The following CCNY variants were observed in gnomAD, a reference collection of about 807,000 sequenced individuals.
CCNY encodes the protein cyclin Y, also known as cyclin-Y.
Under a neutral mutation model 42.8 loss-of-function variants are expected in CCNY, and 19 were observed. That is an observed-to-expected ratio of 0.44 (90% CI 0.31 to 0.65). CCNY has a LOEUF of 0.65. Ranked by LOEUF, CCNY falls within the 30% of genes least tolerant of loss-of-function variation. The probability of loss-of-function intolerance (pLI) is 0.07; values close to 1 mark genes in which losing one functional copy is unlikely to be tolerated. For missense variants in CCNY, 370 were observed against 437.3 expected, an observed-to-expected ratio of 0.85 and a Z score of 1.37; for synonymous variants, 165 against 162.7, an observed-to-expected ratio of 1.01 and a Z score of -0.11.
At chr10:35,295,478 C>T (rs1217259190) in intron 3 of CCNY, among the ~76,000 whole-genome samples, 5 of 151,980 alleles carry the variant, frequency 3.3e-5, no homozygotes, top group African/African-American at 1.2e-4. Flanking sequence ...GTGATCCGCC[C>T]GTTTCTGCCT....
intron 3 of CCNY, among the ~76,000 whole-genome samples, chr10:35,331,155 A>G (rs987340501): frequency 6.6e-6 from 1 of 152,244 alleles, no homozygotes; most frequent in African/African-American, 2.4e-5. Flanking sequence ...TGAGCTGGGC[A>G]TACTGCTGTT....
intron 2 of CCNY, among the ~76,000 whole-genome samples, chr10:35,498,708 C>T (rs974950440): frequency 1.3e-5 from 2 of 152,144 alleles, no homozygotes; most frequent in Non-Finnish European, 2.9e-5. Flanking sequence ...GCGCGGAAGA[C>T]GCTCCAGAAG....
At chr10:35,277,908 T>C (rs568173437) in intron 3 of CCNY, among the ~76,000 whole-genome samples, 3 of 152,150 alleles carry the variant, frequency 2.0e-5, no homozygotes, top group African/African-American at 7.2e-5. Flanking sequence ...AGGGCCCATA[T>C]CCTAAAAGGC....
At chr10:35,549,862 A>C (rs55675717) in intron 7 of CCNY, among the ~76,000 whole-genome samples, 1 of 648 alleles carries the variant, frequency 1.5e-3, no homozygotes. Flanking sequence ...TGCTCATGAC[A>C]CATGACCCTA....
At chr10:35,419,456 C>A (rs1423049554) in intron 1 of CCNY, among the ~76,000 whole-genome samples, 5 of 151,166 alleles carry the variant, frequency 3.3e-5, no homozygotes, top group Non-Finnish European at 5.9e-5. Context: ...AAAAAGTAAT[C>A]CAGGTATGAC....
At chr10:35,367,877 C>T (rs1176369821) in intron 1 of CCNY, among the ~76,000 whole-genome samples, 1 of 152,226 alleles carries the variant, frequency 6.6e-6, no homozygotes, top group Non-Finnish European at 1.5e-5. Flanking sequence ...TGCCTATACT[C>T]CTAATGAGGC....
intron 3 of CCNY, among the ~76,000 whole-genome samples, chr10:35,288,688 T>C (rs1004130148): frequency 3.9e-5 from 6 of 152,178 alleles, no homozygotes; most frequent in African/African-American, 1.2e-4. Context: ...TCATCTTTTT[T>C]CCCCATAAGG....
intron 3 of CCNY, among the ~76,000 whole-genome samples, chr10:35,317,450 T>C (rs1358179052): frequency 6.6e-6 from 1 of 152,228 alleles, no homozygotes; most frequent in Non-Finnish European, 1.5e-5. Context: ...GGTCCTTGCA[T>C]GACCAAGCAG....
chr10:35,441,926 T>G (rs2135297215), intron 1 of CCNY, among the ~76,000 whole-genome samples: 2 of 152,334 alleles, frequency 1.3e-5, no homozygotes, highest in South Asian at 4.1e-4. Context: ...GCTGTATGAT[T>G]TAAAATGATC....
At chr10:35,298,426 T>C (rs1414705967) in intron 3 of CCNY, among the ~76,000 whole-genome samples, 1 of 152,260 alleles carries the variant, frequency 6.6e-6, no homozygotes, top group Non-Finnish European at 1.5e-5. Context: ...ATACTCTTTA[T>C]GTCTGGCCTT....
chr10:35,274,691 C>A (rs564674412), intron 3 of CCNY, among the ~76,000 whole-genome samples: 237 of 152,250 alleles, frequency 1.6e-3, no homozygotes, highest in Middle Eastern at 3.4e-3. Flanking sequence ...AGGCAGGGAG[C>A]TAACGAAGTC....
intron 8 of CCNY, among the ~76,000 whole-genome samples, chr10:35,558,188 C>T (rs1841397784): frequency 6.6e-6 from 1 of 152,120 alleles, no homozygotes; most frequent in Non-Finnish European, 1.5e-5. Context: ...GGATATAGTC[C>T]CTTTCCTGGG....
chr10:35,269,610 C>T (rs1040524370), intron 3 of CCNY, among the ~76,000 whole-genome samples: 8 of 149,050 alleles, frequency 5.4e-5, no homozygotes, highest in African/African-American at 1.5e-4. Flanking sequence ...CAGCCAAGTT[C>T]GCCACTCTTT....
chr10:35,429,289 T>G (rs922430487), intron 1 of CCNY, among the ~76,000 whole-genome samples: 2 of 152,206 alleles, frequency 1.3e-5, no homozygotes, highest in African/African-American at 2.4e-5. Flanking sequence ...TCTCACCAGT[T>G]TTTGTTTTGA....
chr10:35,324,677 C>G (rs1366790728), intron 3 of CCNY, among the ~76,000 whole-genome samples: 2 of 152,210 alleles, frequency 1.3e-5, no homozygotes, highest in Non-Finnish European at 2.9e-5. Context: ...ATGAGAAACT[C>G]ATACTTATGC....
At chr10:35,276,963 T>A (rs1207350930) in intron 3 of CCNY, among the ~76,000 whole-genome samples, 1 of 152,192 alleles carries the variant, frequency 6.6e-6, no homozygotes, top group African/African-American at 2.4e-5. Flanking sequence ...AACAATGGAG[T>A]GCTCCCAGAC....
chr10:35,345,087 A>G (rs1836270875), intron 1 of CCNY, among the ~76,000 whole-genome samples: 1 of 152,200 alleles, frequency 6.6e-6, no homozygotes. Flanking sequence ...TTGGGTATAT[A>G]CCCAGTAATG....
intron 3 of CCNY, among the ~76,000 whole-genome samples, chr10:35,327,308 TTTCTA>T (rs1835891432): frequency 1.3e-5 from 2 of 152,338 alleles, no homozygotes; most frequent in African/African-American, 4.8e-5. Flanking sequence ...CGTGGCTTTC[TTTCTA>T]TAACAATAAA....
At chr10:35,488,288 A>G (rs1469417316) in intron 2 of CCNY, among the ~76,000 whole-genome samples, 3 of 152,208 alleles carry the variant, frequency 2.0e-5, no homozygotes, top group Non-Finnish European at 4.4e-5. Flanking sequence ...GGCTGTCCTC[A>G]TTGGGGTCGT....
Sources: allele counts gnomAD v4.1 joint callset (sites outside exome capture counted in the v4.1 genomes callset), GRCh38; gene constraint gnomAD v4.1.1; transcripts MANE v1.5; gene names NCBI Gene and HGNC (gene_info 2026-07-23, HGNC 2026-07-21).